ADCY9: variants seen among roughly 807,000 people sequenced by gnomAD.
ADCY9 encodes the protein adenylate cyclase type 9.
In ADCY9, 50 loss-of-function variants were observed where a neutral mutation model predicts 101.5. The observed-to-expected ratio is 0.49, with a 90% confidence interval of 0.39 to 0.62. ADCY9 has a LOEUF of 0.62. Ranked by LOEUF, ADCY9 falls within the 20% of genes least tolerant of loss-of-function variation. The pLI, the probability that ADCY9 is intolerant of heterozygous loss-of-function variation, is 0.00. For synonymous variants in ADCY9, 905 were observed against 769.3 expected (o/e 1.18, Z -2.92); for missense variants, 1,662 against 1,800.4 (o/e 0.92, Z 1.39).
intron 2 of ADCY9, among the ~76,000 whole-genome samples, chr16:4,082,009 A>G (rs2141180134): frequency 6.6e-6 from 1 of 152,244 alleles, no homozygotes; most frequent in African/African-American, 2.4e-5. Flanking sequence ...CAAGTCACGC[A>G]CAGGCAGAGT....
intron 2 of ADCY9, among the ~76,000 whole-genome samples, chr16:4,089,162 C>G (rs1024578985): frequency 6.6e-6 from 1 of 151,992 alleles, no homozygotes; most frequent in African/African-American, 2.4e-5. Flanking sequence ...GCAACCTCCA[C>G]CTCCTGGGCT....
rs28546902 is a variant in ADCY9 at position 3,990,749 on chromosome 16, A to G, written c.2207+1397T>C. ...GAGGATGTGCACAAGGCCACATTTT[A>G]GCAGTCAAGTGGCAGAAGCGACACT... On this transcript the variant is annotated intron_variant, in intron 5 of 10. Transcript: ENST00000294016. 6.8e-3 allele frequency among the ~76,000 whole-genome samples: 1,022 copies of G among 150,296 alleles called. 12 individuals are homozygous for G. The highest frequency in any genetic ancestry group is 0.023 in the African/African-American group (943 of 41,404).
At chr16:4,037,250 C>T (rs913351202) in intron 2 of ADCY9, among the ~76,000 whole-genome samples, 3 of 152,088 alleles carry the variant, frequency 2.0e-5, no homozygotes, top group African/African-American at 7.2e-5. Flanking sequence ...CCCAGGAGGT[C>T]AAGGCTGCAG....
chr16:3,984,795 G>A lies in ADCY9; in HGVS notation c.2311-1355C>T, dbSNP rs148115658. On this transcript the variant is annotated intron_variant, in intron 6 of 10. Coordinates refer to ENST00000294016, the MANE Select transcript of ADCY9 (RefSeq NM_001116.4). ...TCCACTCAGCATCCCGGCCAGGCTCGGGGCTGAGGGCAGGAGCTGGAGACG... is the reference window on the plus strand; with the variant it reads ...TCCACTCAGCATCCCGGCCAGGCTCAGGGCTGAGGGCAGGAGCTGGAGACG... Among the ~76,000 whole-genome samples, 476 of 152,298 alleles carry A rather than the reference G, an allele frequency of 3.1e-3. 2 individuals carry two copies. The highest frequency in any genetic ancestry group is 0.01 in the African/African-American group (432 of 41,570).
intron 2 of ADCY9, among the ~76,000 whole-genome samples, chr16:4,110,681 C>T (rs1034393442): frequency 6.6e-6 from 1 of 152,252 alleles, no homozygotes; most frequent in Non-Finnish European, 1.5e-5. Flanking sequence ...TGAGCCACTG[C>T]GCCCAGCCTT....
In ADCY9 at chr16:4,113,859, T is replaced by C. The variant is rs368546743; in HGVS notation, c.1584A>G (p.Lys528=). 1.8e-4 allele frequency: 295 copies of C among 1,613,976 alleles called. No homozygotes were observed. Among genetic ancestry groups the C allele is most frequent in the Non-Finnish European group, 2.4e-4 (286 of 1,180,014 alleles). ...NLMEQLGVAG[K]VHISEATAKY... Reference sequence around the variant, plus strand: ...TTGCGGTGGCCTCAGAAATGTGAACTTTGCCGGCCACTCCCAGCTGCTCCA... The same window carrying C: ...TTGCGGTGGCCTCAGAAATGTGAACCTTGCCGGCCACTCCCAGCTGCTCCA... The change falls in exon 2 of 11, where the codon AAA becomes AAG. Residue 528 remains lysine, a synonymous_variant. Coordinates refer to ENST00000294016, the MANE Select transcript of ADCY9 (RefSeq NM_001116.4).
At chr16:4,107,134 G>A (rs71388563) in intron 2 of ADCY9, among the ~76,000 whole-genome samples, 50 of 152,284 alleles carry the variant, frequency 3.3e-4, no homozygotes, top group Admixed American at 5.2e-4. Flanking sequence ...CTTGAGTGTC[G>A]ACTCTACTGC....
At chr16:4,094,143 T>C (rs2056989160) in intron 2 of ADCY9, among the ~76,000 whole-genome samples, 2 of 152,148 alleles carry the variant, frequency 1.3e-5, no homozygotes, top group Non-Finnish European at 1.5e-5. Flanking sequence ...CACTATGAAA[T>C]GTGTGTTAGA....
At chr16:3,972,389 C>A (rs1275748771) in intron 10 of ADCY9, among the ~76,000 whole-genome samples, 1 of 151,974 alleles carries the variant, frequency 6.6e-6, no homozygotes, top group Admixed American at 6.6e-5. Context: ...GCCACCACGT[C>A]CAGCTAATTT....
intron 2 of ADCY9, among the ~76,000 whole-genome samples, chr16:4,023,718 T>C (rs1324934401): frequency 6.6e-6 from 1 of 152,070 alleles, no homozygotes; most frequent in Non-Finnish European, 1.5e-5. Context: ...TTCGAGACCA[T>C]CCTGGCTAGC....
rs758359636 is a variant in ADCY9, at chr16:3,966,387, G to A, written c.3450C>T (p.Asp1150=). Residue 1150 remains aspartate, a synonymous_variant, in exon 11 of 11, where the codon GAC becomes GAT. Transcript: ENST00000294016. ...ACCACAGCATGTTGTTGTTGAAGTC[G>A]TCCACCACGCGCATCATCTCCTTGG... ...EFAKEMMRVV[D]DFNNNMLWFN... 5.0e-6 allele frequency: 8 copies of A among 1,614,064 alleles called. No homozygotes were observed. The highest frequency in any genetic ancestry group is 2.2e-5 in the East Asian group (1 of 44,870).
chr16:3,999,441 C>A (rs572132977), intron 3 of ADCY9, among the ~76,000 whole-genome samples: 1 of 152,336 alleles, frequency 6.6e-6, no homozygotes, highest in Admixed American at 6.5e-5. Flanking sequence ...GGGACCCGGA[C>A]CACCGTCATA....
intron 2 of ADCY9, among the ~76,000 whole-genome samples, chr16:4,071,332 C>CAAAAAAAAAAAAAAAAAAAAAAAAAAA (rs530420293): frequency 5.7e-5 from 4 of 70,532 alleles, no homozygotes; most frequent in Non-Finnish European, 7.8e-5. Context: ...ACTCAGTCTC[C>CAAAAAAAAAAAAAAAAAAAAAAAAAAA]AAAAAAAAAA....
intron 2 of ADCY9, among the ~76,000 whole-genome samples, chr16:4,071,427 T>C (rs2056834195): frequency 1.3e-5 from 2 of 148,846 alleles, no homozygotes; most frequent in African/African-American, 4.9e-5. Flanking sequence ...AAATCCAAAA[T>C]TCCTTATAAA....
chr16:4,113,171 T>TA (rs376146699), intron 2 of ADCY9, among the ~76,000 whole-genome samples: 7,011 of 145,530 alleles, frequency 0.048, 207 homozygotes, highest in African/African-American at 0.086. Context: ...CAAACTTTTT[T>TA]TAAAAAAAAA....
intron 2 of ADCY9, among the ~76,000 whole-genome samples, chr16:4,052,053 T>C (rs920388135): frequency 6.6e-6 from 1 of 152,176 alleles, no homozygotes; most frequent in Non-Finnish European, 1.5e-5. Flanking sequence ...TGATCAGACC[T>C]GTGTGCGTTC....
intron 2 of ADCY9, among the ~76,000 whole-genome samples, chr16:4,096,870 C>A (rs1663471253): frequency 6.6e-6 from 1 of 151,720 alleles, no homozygotes. Context: ...TCAAAAGCTG[C>A]TTTTTCCCCG....
At chr16:4,041,992 C>T (rs1385713558) in intron 2 of ADCY9, among the ~76,000 whole-genome samples, 1 of 125,988 alleles carries the variant, frequency 7.9e-6, no homozygotes, top group East Asian at 2.6e-4. Context: ...GGTGTGATTT[C>T]GACTCACTGC....
chr16:4,075,936 A>G (rs1005354368), intron 2 of ADCY9, among the ~76,000 whole-genome samples: 2 of 152,226 alleles, frequency 1.3e-5, no homozygotes, highest in Non-Finnish European at 2.9e-5. Context: ...TAGGGGTTCT[A>G]TTATCCTGAA....
Sources: gnomAD v4.1 joint callset for allele counts (sites outside exome capture counted in the v4.1 genomes callset) on GRCh38, gnomAD v4.1.1 for gene constraint, MANE v1.5 for transcripts, NCBI Gene and HGNC (gene_info 2026-07-23, HGNC 2026-07-21) for gene names.